TACC2: variants seen among roughly 807,000 people sequenced by gnomAD.
The protein encoded by TACC2 is transforming acidic coiled-coil-containing protein 2.
A neutral mutation model predicts 227.3 loss-of-function variants in TACC2; 137 were observed. The ratio of observed to expected loss-of-function variants is 0.60; its 90% confidence interval spans 0.52 to 0.69. TACC2 has a LOEUF of 0.69. Ranked by LOEUF, TACC2 falls within the 30% of genes least tolerant of loss-of-function variation. The pLI, the probability that TACC2 is intolerant of heterozygous loss-of-function variation, is 0.00. For synonymous variants in TACC2, 1,523 were observed against 1,487.5 expected (o/e 1.02, Z -0.55); for missense variants, 3,470 against 3,694.4 (o/e 0.94, Z 1.57).
At chr10:122,248,535 G>T (rs976920043) in intron 19 of TACC2, 108 bp from the exon 20 acceptor site, 10 of 1,308,998 alleles carry the variant, frequency 7.6e-6, no homozygotes, top group Admixed American at 1.9e-5. Context: ...TGGGGTTTGA[G>T]ATGCCCCCAC....
intron 8 of TACC2, among the ~76,000 whole-genome samples, chr10:122,203,116 T>A (rs1461115555): frequency 1.3e-5 from 2 of 152,178 alleles, no homozygotes; most frequent in South Asian, 4.1e-4. Flanking sequence ...ACCTTTCCCC[T>A]CTTTCTATTC....
In TACC2 at chr10:122,113,700, C is replaced by T. The variant is rs371437887; in HGVS notation, c.5574-18909C>T. Among the ~76,000 whole-genome samples the T allele has an allele frequency of 1.5e-3, 226 of 152,366 alleles. 3 individuals carry two copies. The East Asian group carries it at 0.037, about 25-fold the overall frequency. On this transcript the variant is annotated intron_variant, in intron 5 of 22. Transcript: ENST00000369005. ...GGGCATCCCCGGCGGGCCACGACGG[C>T]GCGTGGACTAGCCATAAAACTCTGC...
chr10:122,227,329 A>G (rs1351681499), intron 13 of TACC2, among the ~76,000 whole-genome samples: 1 of 152,180 alleles, frequency 6.6e-6, no homozygotes, highest in Non-Finnish European at 1.5e-5. Context: ...TGCCCCTTTA[A>G]GCAGGAGTAA....
chr10:122,098,674 T>C (rs1330174900), intron 5 of TACC2, among the ~76,000 whole-genome samples: 4 of 152,234 alleles, frequency 2.6e-5, no homozygotes, highest in Non-Finnish European at 4.4e-5. Flanking sequence ...CAGAGGTTAC[T>C]GTTTTTATTG....
intron 5 of TACC2, among the ~76,000 whole-genome samples, chr10:122,127,879 C>T (rs537530018): frequency 2.1e-4 from 32 of 152,216 alleles, no homozygotes; most frequent in South Asian, 1.0e-3. Flanking sequence ...AATATATATG[C>T]GTCTATACAC....
At chr10:122,121,632 A>T (rs942650227) in intron 5 of TACC2, among the ~76,000 whole-genome samples, 2 of 152,264 alleles carry the variant, frequency 1.3e-5, no homozygotes, top group Admixed American at 1.3e-4. Context: ...AGCGCTGCTT[A>T]TAATTGAAAC....
At chr10:122,108,090 A>G (rs2137884565) in intron 5 of TACC2, among the ~76,000 whole-genome samples, 1 of 151,096 alleles carries the variant, frequency 6.6e-6, no homozygotes, top group South Asian at 2.1e-4. Context: ...ATGGGGTTTC[A>G]CCATGTTAGC....
chr10:122,243,004 C>G (rs2141768000), intron 19 of TACC2, among the ~76,000 whole-genome samples: 1 of 152,242 alleles, frequency 6.6e-6, no homozygotes, highest in South Asian at 2.1e-4. Flanking sequence ...AGTGCAGTGG[C>G]ACGATCTTGG....
chr10:122,115,214 G>GTAGA (rs1173561139), intron 5 of TACC2, among the ~76,000 whole-genome samples: 3 of 152,200 alleles, frequency 2.0e-5, no homozygotes. Context: ...AGCCTGGGAG[G>GTAGA]TAGATGGTGG....
chr10:122,138,951 C>T (rs2090109805), intron 6 of TACC2, among the ~76,000 whole-genome samples: 1 of 152,106 alleles, frequency 6.6e-6, no homozygotes, highest in African/African-American at 2.4e-5. Context: ...GTGTCTCCAC[C>T]CCTGTAGCCT....
chr10:122,035,449 C>T (rs373815234), intron 2 of TACC2, among the ~76,000 whole-genome samples: 4 of 152,158 alleles, frequency 2.6e-5, no homozygotes, highest in African/African-American at 9.7e-5. Context: ...GTTTACCAGG[C>T]ATTGCTCTAG....
chr10:121,998,312 CAAAAA>C (rs1278618833), intron 1 of TACC2, among the ~76,000 whole-genome samples: 1 of 70,590 alleles, frequency 1.4e-5, no homozygotes, highest in Non-Finnish European at 2.8e-5. Flanking sequence ...ACCACGTTCT[CAAAAA>C]AAAAAAAAAA....
intron 22 of TACC2, among the ~76,000 whole-genome samples, chr10:122,251,791 A>C (rs1346584116): frequency 6.6e-6 from 1 of 152,222 alleles, no homozygotes. Context: ...TCTTGGTGAG[A>C]AATGTAGCAA....
At chr10:122,113,451 C>T (rs2138100748) in intron 5 of TACC2, among the ~76,000 whole-genome samples, 1 of 152,358 alleles carries the variant, frequency 6.6e-6, no homozygotes, top group Non-Finnish European at 1.5e-5. Context: ...GAGTGTCTGC[C>T]CAGGAGCCTG....
chr10:122,234,631 T>C (rs2095822443), intron 16 of TACC2, among the ~76,000 whole-genome samples: 1 of 152,204 alleles, frequency 6.6e-6, no homozygotes. Flanking sequence ...TCTGTTCCTT[T>C]ATTGAAAACT....
At chr10:122,190,220 C>T (rs1010097641) in intron 7 of TACC2, among the ~76,000 whole-genome samples, 2 of 152,134 alleles carry the variant, frequency 1.3e-5, no homozygotes, top group Non-Finnish European at 2.9e-5. Context: ...AAGTAAAAAC[C>T]TGAAAATATT....
chr10:122,190,849 G>C (rs1055585318), intron 7 of TACC2, among the ~76,000 whole-genome samples: 6 of 152,094 alleles, frequency 3.9e-5, no homozygotes, highest in African/African-American at 1.4e-4. Flanking sequence ...AATTGCTCTC[G>C]ATGATGGACC....
At chr10:122,127,487 G>T (rs573923981) in intron 5 of TACC2, among the ~76,000 whole-genome samples, 6 of 152,214 alleles carry the variant, frequency 3.9e-5, no homozygotes, top group Admixed American at 2.6e-4. Flanking sequence ...GATAGTACAG[G>T]CTTCCCTCCC....
intron 6 of TACC2, among the ~76,000 whole-genome samples, chr10:122,137,594 T>C (rs4752654): frequency 0.7 from 105,877 of 152,098 alleles, 38,936 homozygotes; most frequent in Middle Eastern, 0.84. Flanking sequence ...CAAGAATCCA[T>C]GCAGAGAGGT....
Sources: allele counts gnomAD v4.1 joint callset (sites outside exome capture counted in the v4.1 genomes callset), GRCh38; gene constraint gnomAD v4.1.1; transcripts MANE v1.5; gene names NCBI Gene and HGNC (gene_info 2026-07-23, HGNC 2026-07-21).